The following FKBP4 variants were observed in gnomAD, a reference collection of about 807,000 sequenced individuals.
The protein encoded by FKBP4 is FKBP prolyl isomerase 4.
In FKBP4, 28 loss-of-function variants were observed where a neutral mutation model predicts 54.1. That is an observed-to-expected ratio of 0.52 (90% CI 0.38 to 0.71). The LOEUF is 0.71. FKBP4 is among the 30% of genes least tolerant of loss of function. The pLI is 0.00. For synonymous variants in FKBP4, 223 were observed against 216.1 expected (o/e 1.03, Z -0.28); for missense variants, 493 against 574.4 (o/e 0.86, Z 1.45).
Position 2,798,670 on chromosome 12 carries a change from G to C in FKBP4, c.394-36G>C, listed in dbSNP as rs370761298. ...ATTGTGTTTCACTGCCCATGAGTTA[G>C]CATGGGAAGGAATTGTGTCACATCT... On this transcript the variant is annotated intron_variant, in intron 3 of 9. Transcript: ENST00000001008. This position sits in a 1 kb window ranked among gnomAD's most constrained non-coding sequence, Gnocchi z 4.3. 10 of 1,612,088 alleles carry C rather than the reference G, an allele frequency of 6.2e-6. No homozygotes were observed. In the African/African-American group the frequency reaches 1.3e-4, roughly 22 times the overall value.
At chr12:2,801,747 C>A in intron 9 of FKBP4, 1 of 358,910 alleles carries the variant, frequency 2.8e-6, no homozygotes, top group Non-Finnish European at 5.6e-6. Context: ...AAATGAAACC[C>A]CATCTCAAAA....
Position 2,795,085 on chromosome 12 carries a change from C to A in FKBP4, c.-55C>A. On this transcript the variant is annotated 5_prime_UTR_variant, in exon 1 of 10. Coordinates refer to ENST00000001008, the MANE Select transcript of FKBP4 (RefSeq NM_002014.4). The surrounding 1 kb of genome is among the most constrained non-coding windows in gnomAD (Gnocchi z 4.3). ...CGCAGGTAGCGCCCCCGCCCGCGGC[C>A]CAGAGTGCGCTCGCGCCGGCACCAG... is the stretch of plus-strand genomic sequence containing the variant. 2.6e-6 allele frequency: 3 copies of A among 1,163,554 alleles called. No homozygotes were observed. The highest frequency in any genetic ancestry group is 3.3e-6 in the Non-Finnish European group (3 of 910,206). The allele number at this position is 1,163,554 out of a possible 1,614,324, so 72.1% of individuals were successfully genotyped here. A position where few individuals can be genotyped will look rare whatever the true frequency, so the allele number is the denominator to read the frequency against.
At chr12:2,800,301 C>T in intron 7 of FKBP4, 91 bp from the exon 8 acceptor site, 2 of 1,453,322 alleles carry the variant, frequency 1.4e-6, no homozygotes, top group Non-Finnish European at 1.9e-6. Context: ...GCAGGAACCT[C>T]TTGTGGCCAT....
chr12:2,803,016 C>T lies in FKBP4; in HGVS notation c.1273-135C>T, dbSNP rs888667238. 14 of 635,496 alleles carry T rather than the reference C, an allele frequency of 2.2e-5. No homozygotes were observed. The African/African-American group carries it at 2.3e-4, about 11-fold the overall frequency. The allele number at this position is 635,496 out of a possible 1,614,324, so 39.4% of individuals were successfully genotyped here. A position where few individuals can be genotyped will look rare whatever the true frequency, so the allele number is the denominator to read the frequency against. On this transcript the variant is annotated intron_variant, in intron 9 of 9. Transcript: ENST00000001008. ...GTGCTGGGATTACAGGCATAAGCCA[C>T]CAGGCTTGGCCTATACAGGTATAGC...
rs933658225 is a variant in FKBP4 at position 2,800,339 on chromosome 12, A to G, written c.847-53A>G. ...GTCACTGATGTCTGCAGGGTATAAGAGCCTAGTACCACTGAAACTGTGCCA... is the reference window on the plus strand; with the variant it reads ...GTCACTGATGTCTGCAGGGTATAAGGGCCTAGTACCACTGAAACTGTGCCA... On this transcript the variant is annotated intron_variant, in intron 7 of 9. Transcript: ENST00000001008. The G allele has an allele frequency of 1.4e-5, 21 of 1,553,516 alleles. 1 individual carries two copies. The South Asian group carries it at 2.1e-4, about 15-fold the overall frequency.
rs2097904738 is a variant in FKBP4 at position 2,801,474 on chromosome 12, C to T, written c.1272+118C>T. 1.3e-5 allele frequency: 19 copies of T among 1,442,288 alleles called. No homozygotes were observed. In the South Asian group the frequency reaches 2.1e-4, roughly 16 times the overall value. The allele number at this position is 1,442,288 out of a possible 1,614,324, so 89.3% of individuals were successfully genotyped here. A position where few individuals can be genotyped will look rare whatever the true frequency, so the allele number is the denominator to read the frequency against. Reference sequence around the variant, plus strand: ...CCCGGAAACCAGAAGTTGCCTTTTCCCTGGAGCATTAAGGAGCACGTGTTC... The same window carrying T: ...CCCGGAAACCAGAAGTTGCCTTTTCTCTGGAGCATTAAGGAGCACGTGTTC... On this transcript the variant is annotated intron_variant, in intron 9 of 9. Coordinates refer to ENST00000001008, the MANE Select transcript of FKBP4 (RefSeq NM_002014.4).
chr12:2,799,049 C>T, intron 4 of FKBP4, 39 bp from the exon 5 acceptor site: 1 of 1,521,068 alleles, frequency 6.6e-7, no homozygotes, highest in African/African-American at 1.4e-5. Context: ...GTCACCTGCC[C>T]TCTTACAACT....
In FKBP4 at chr12:2,804,925, G is replaced by C. The variant is rs2097906706; in HGVS notation, c.*1667G>C. The C allele has an allele frequency of 4.5e-6, 1 of 220,952 alleles. No individual in the cohort carries two copies. Among genetic ancestry groups the C allele is most frequent in the African/African-American group, 2.3e-5 (1 of 42,556 alleles). The allele number at this position is 220,952 out of a possible 1,614,324, so 13.7% of individuals were successfully genotyped here. On this transcript the variant is annotated 3_prime_UTR_variant, in exon 10 of 10. Transcript: ENST00000001008. ...GTGAGACCATCTCTTTTTTAAAAAA[G>C]TCCCTGTGTAACTGCTTTCTTACTG...
At chr12:2,799,724 G>T in intron 5 of FKBP4, 126 bp from the exon 6 acceptor site, 1 of 788,886 alleles carries the variant, frequency 1.3e-6, no homozygotes, top group Admixed American at 2.2e-5. Context: ...GGGAAGATTT[G>T]CCAAACATTT....
chr12:2,800,972 C>T (rs1199566454), intron 8 of FKBP4, 145 bp from the exon 9 acceptor site: 5 of 1,024,120 alleles, frequency 4.9e-6, no homozygotes, highest in Non-Finnish European at 7.2e-6. Context: ...CCATTTAATG[C>T]CTCAGGCCTT....
At position 2,799,259 on chromosome 12, in the gene FKBP4, C is replaced by T. The variant is rs202109074; in HGVS notation, c.671+15C>T. 1 of 1,474,150 alleles carries T rather than the reference C, an allele frequency of 6.8e-7. No individual in the cohort carries two copies. Among genetic ancestry groups the T allele is most frequent in the East Asian group, 2.4e-5 (1 of 41,326 alleles). The allele number at this position is 1,474,150 out of a possible 1,614,324, so 91.3% of individuals were successfully genotyped here. ...CTCAAGCCCAGGTGAGGGGTGGGCA[C>T]TTCGTAGGGTAGGCAGGCAGGCAAA... On this transcript the variant is annotated intron_variant, in intron 5 of 9. Transcript: ENST00000001008.
At position 2,795,422 on chromosome 12, in the gene FKBP4, C is replaced by T. The variant is rs912663960; in HGVS notation, c.105+178C>T. On this transcript the variant is annotated intron_variant, in intron 1 of 9. Transcript: ENST00000001008. The surrounding 1 kb of genome is among the most constrained non-coding windows in gnomAD (Gnocchi z 4.3). Reference sequence around the variant, plus strand: ...CCGGACCGGGCTGCGTCGTTTAAGGCACCGAGGCCGGCCATGCGCTCGGCA... The same window carrying T: ...CCGGACCGGGCTGCGTCGTTTAAGGTACCGAGGCCGGCCATGCGCTCGGCA... Among the ~76,000 whole-genome samples, 27 of 147,700 alleles carry T rather than the reference C, an allele frequency of 1.8e-4. No individual in the cohort carries two copies. The highest frequency in any genetic ancestry group is 3.6e-4 in the Non-Finnish European group (24 of 66,218).
intron 9 of FKBP4, chr12:2,801,946 CT>C (rs1217790432): frequency 7.1e-6 from 1 of 141,530 alleles, no homozygotes; most frequent in Admixed American, 6.4e-5. Context: ...TCCCTTTCCC[CT>C]AACACAGGCA....
chr12:2,803,085 C>T (rs2097905733), intron 9 of FKBP4, 66 bp from the exon 10 acceptor site: 1 of 1,157,866 alleles, frequency 8.6e-7, no homozygotes, highest in East Asian at 2.6e-5. Flanking sequence ...TGTAATTCTG[C>T]TGGAAATTAA....
Position 2,798,631 on chromosome 12 carries a change from C to A in FKBP4, c.394-75C>A. The A allele has an allele frequency of 6.2e-7, 1 of 1,604,708 alleles. No individual in the cohort carries two copies. Among genetic ancestry groups the A allele is most frequent in the South Asian group, 1.1e-5 (1 of 89,994 alleles). On this transcript the variant is annotated intron_variant, in intron 3 of 9. Transcript: ENST00000001008. The surrounding 1 kb of genome is among the most constrained non-coding windows in gnomAD (Gnocchi z 4.3). ...CGGCCTGGCAGTTAGTAGGGACTCT[C>A]TCGGATGAGAAAGATTGTGTTTCAC...
rs781522332 is a variant in FKBP4, at chr12:2,801,239, CA to C, written c.1157del (p.Asn386ThrfsTer55). 6.2e-7 allele frequency: 1 copy of C among 1,613,494 alleles called. No homozygotes were observed. The highest frequency in any genetic ancestry group is 8.5e-7 in the Non-Finnish European group (1 of 1,180,052). Reference protein sequence around the residue: ...FQKVLQLYPNNKAAKTQLAVC... With the variant: ...FQKVLQLYPNXKAAKTQLAVC... ...AGAAGGTCCTGCAGCTCTACCCCAA[CA>C]ACAAAGCCGCCAAGACCCAGCTGGC... On this transcript the variant is annotated frameshift_variant, in exon 9 of 10. Transcript: ENST00000001008. LOFTEE classifies it high-confidence loss of function.
intron 1 of FKBP4, chr12:2,796,319 C>A: frequency 7.8e-7 from 1 of 1,289,220 alleles, no homozygotes; most frequent in Non-Finnish European, 1.0e-6. Flanking sequence ...CATGTGACTT[C>A]CCCTTCTCGC....
intron 1 of FKBP4, chr12:2,796,294 G>C (rs1397225191): frequency 7.8e-7 from 1 of 1,289,216 alleles, no homozygotes; most frequent in Admixed American, 2.3e-5. Context: ...GTCTGCTCCA[G>C]CGGCTCTCCT....
chr12:2,804,266 A>C lies in FKBP4; in HGVS notation c.*1008A>C, dbSNP rs2097906413. On this transcript the variant is annotated 3_prime_UTR_variant, in exon 10 of 10. Coordinates refer to ENST00000001008, the MANE Select transcript of FKBP4 (RefSeq NM_002014.4). ...GGAAGACGAAAGTATAAAGATCTAG[A>C]AGACTGGGACACCATGCATGTTCAT... The C allele has an allele frequency of 6.6e-6, 1 of 152,202 alleles. No homozygotes were observed. The highest frequency in any genetic ancestry group is 2.4e-5 in the African/African-American group (1 of 41,438). The allele number at this position is 152,202 out of a possible 1,614,324, so 9.4% of individuals were successfully genotyped here.
Sources: allele counts gnomAD v4.1 joint callset (sites outside exome capture counted in the v4.1 genomes callset), GRCh38; gene constraint gnomAD v4.1.1; non-coding constraint Gnocchi (gnomAD v3.1); transcripts MANE v1.5; gene names NCBI Gene and HGNC (gene_info 2026-07-23, HGNC 2026-07-21).